The following CCSER1 variants were observed in gnomAD, a reference collection of about 807,000 sequenced individuals.
CCSER1 encodes coiled-coil serine rich protein 1, also known as serine-rich coiled-coil domain-containing protein 1.
In CCSER1, 41 loss-of-function variants were observed where a neutral mutation model predicts 82.0. The observed-to-expected ratio is 0.50, with a 90% CI of 0.39 to 0.65. The LOEUF is 0.65. Among genes scored for constraint, CCSER1 ranks in the 30% least tolerant of loss-of-function variants. The pLI, the probability that CCSER1 is intolerant of heterozygous loss-of-function variation, is 0.00. For missense variants in CCSER1, 1,119 were observed against 1,064.2 expected (o/e 1.05, Z -0.72); for synonymous variants, 414 against 383.9 (o/e 1.08, Z -0.92).
At chr4:90,373,207 G>A (rs962885159) in intron 3 of CCSER1, among the ~76,000 whole-genome samples, 10 of 152,234 alleles carry the variant, frequency 6.6e-5, no homozygotes, top group Admixed American at 2.0e-4. Flanking sequence ...ATGTAATGAA[G>A]TGACGAGACA....
chr4:91,090,475 T>C (rs1044612462), intron 10 of CCSER1, among the ~76,000 whole-genome samples: 2 of 152,240 alleles, frequency 1.3e-5, no homozygotes, highest in African/African-American at 4.8e-5. Flanking sequence ...TATACAGTTT[T>C]TGTCCAAGAC....
intron 8 of CCSER1, among the ~76,000 whole-genome samples, chr4:90,902,531 G>A (rs1437826563): frequency 6.6e-6 from 1 of 151,792 alleles, no homozygotes; most frequent in Admixed American, 6.6e-5. Context: ...TGATATTTTG[G>A]CTTTATTTCT....
intron 10 of CCSER1, among the ~76,000 whole-genome samples, chr4:91,298,631 T>A (rs1684411559): frequency 6.6e-6 from 1 of 152,026 alleles, no homozygotes; most frequent in South Asian, 2.1e-4. Flanking sequence ...AAAATATTTA[T>A]GAAAGTAAGA....
intron 7 of CCSER1, among the ~76,000 whole-genome samples, chr4:90,811,841 T>A (rs1209635207): frequency 6.9e-6 from 1 of 145,878 alleles, no homozygotes; most frequent in Non-Finnish European, 1.5e-5. Flanking sequence ...ATTAGCTAGT[T>A]GTATCTTGTA....
At chr4:91,094,667 T>C (rs1161626521) in intron 10 of CCSER1, among the ~76,000 whole-genome samples, 12 of 152,164 alleles carry the variant, frequency 7.9e-5, no homozygotes, top group Admixed American at 7.9e-4. Context: ...AGCCCCAGGC[T>C]TAACTTGTAT....
intron 10 of CCSER1, among the ~76,000 whole-genome samples, chr4:91,435,739 A>T (rs1224810738): frequency 6.6e-6 from 1 of 152,238 alleles, no homozygotes; most frequent in Non-Finnish European, 1.5e-5. Flanking sequence ...TACCATTTAA[A>T]GCTTTATTTG....
At chr4:91,358,146 C>T (rs1748982196) in intron 10 of CCSER1, among the ~76,000 whole-genome samples, 1 of 151,802 alleles carries the variant, frequency 6.6e-6, no homozygotes, top group Non-Finnish European at 1.5e-5. Flanking sequence ...CTTTCCTTTT[C>T]TCTCTGCTGC....
At chr4:90,217,928 T>C (rs1487923290) in intron 1 of CCSER1, among the ~76,000 whole-genome samples, 1 of 152,082 alleles carries the variant, frequency 6.6e-6, no homozygotes, top group Non-Finnish European at 1.5e-5. Flanking sequence ...TATGAGTAGC[T>C]GAGACTACAG....
intron 1 of CCSER1, among the ~76,000 whole-genome samples, chr4:90,232,377 A>T (rs1344657454): frequency 1.3e-5 from 2 of 152,076 alleles, no homozygotes; most frequent in Non-Finnish European, 2.9e-5. Flanking sequence ...TGGGGAAAGG[A>T]TTCCCTATTT....
At chr4:90,592,449 A>G (rs1579344597) in intron 5 of CCSER1, among the ~76,000 whole-genome samples, 1 of 152,160 alleles carries the variant, frequency 6.6e-6, no homozygotes, top group East Asian at 1.9e-4. Context: ...AAATAGCTAT[A>G]TGTTCATGTG....
At chr4:90,179,952 A>G (rs951583186) in intron 1 of CCSER1, among the ~76,000 whole-genome samples, 2 of 152,112 alleles carry the variant, frequency 1.3e-5, no homozygotes, top group African/African-American at 4.8e-5. Context: ...ATGAATAAGC[A>G]ATAAGTAAGG....
At chr4:91,531,230 T>C (rs1761014417) in intron 10 of CCSER1, among the ~76,000 whole-genome samples, 1 of 152,180 alleles carries the variant, frequency 6.6e-6, no homozygotes, top group Non-Finnish European at 1.5e-5. Flanking sequence ...ATTATGTACA[T>C]TGTTTAAAAT....
chr4:91,120,186 A>G (rs767122081), intron 10 of CCSER1, among the ~76,000 whole-genome samples: 15 of 152,176 alleles, frequency 9.9e-5, no homozygotes, highest in Middle Eastern at 3.4e-3. Context: ...CCATTCATTA[A>G]TTCAATATTA....
At chr4:90,142,815 TA>T (rs1160691073) in intron 1 of CCSER1, among the ~76,000 whole-genome samples, 1 of 152,186 alleles carries the variant, frequency 6.6e-6, no homozygotes, top group Non-Finnish European at 1.5e-5. Context: ...AGGATTTTTA[TA>T]AAAATTGTTA....
chr4:90,842,076 G>A (rs1303063890), intron 8 of CCSER1, among the ~76,000 whole-genome samples: 1 of 151,848 alleles, frequency 6.6e-6, no homozygotes, highest in Non-Finnish European at 1.5e-5. Flanking sequence ...TTTATGCTCA[G>A]TAAATGTTAA....
chr4:91,157,972 T>C (rs539948388), intron 10 of CCSER1, among the ~76,000 whole-genome samples: 1 of 152,056 alleles, frequency 6.6e-6, no homozygotes, highest in Non-Finnish European at 1.5e-5. Context: ...AATTACAGAG[T>C]AGGGGTTGAA....
At chr4:90,413,948 C>CAAAAAAAAAAAAAAAAAAAAAAA (rs570689214) in intron 4 of CCSER1, among the ~76,000 whole-genome samples, 1 of 22,364 alleles carries the variant, frequency 4.5e-5, no homozygotes, top group Non-Finnish European at 9.0e-5. Context: ...GACACCGTCT[C>CAAAAAAAAAAAAAAAAAAAAAAA]AAAAAAAAAA....
intron 4 of CCSER1, among the ~76,000 whole-genome samples, chr4:90,408,597 C>G (rs1338403025): frequency 6.6e-6 from 1 of 152,130 alleles, no homozygotes; most frequent in Admixed American, 6.5e-5. Context: ...GAAAACTAAC[C>G]AACAGAAAGG....
At chr4:90,533,614 G>A (rs1270166642) in intron 5 of CCSER1, among the ~76,000 whole-genome samples, 2 of 152,134 alleles carry the variant, frequency 1.3e-5, no homozygotes, top group African/African-American at 4.8e-5. Flanking sequence ...ACTTGTAGAA[G>A]CCTAGAGATC....
Sources: gnomAD v4.1 joint callset for allele counts (sites outside exome capture counted in the v4.1 genomes callset) on GRCh38, gnomAD v4.1.1 for gene constraint, MANE v1.5 for transcripts, NCBI Gene and HGNC (gene_info 2026-07-23, HGNC 2026-07-21) for gene names.